Variants in SCMH1 observed in about 807,000 individuals in gnomAD.
The protein encoded by SCMH1 is polycomb protein SCMH1.
Under a neutral mutation model 70.8 loss-of-function variants are expected in SCMH1, and 37 were observed. The observed-to-expected ratio is 0.52, with a 90% CI of 0.40 to 0.69. SCMH1 has a LOEUF of 0.69. SCMH1 is among the 30% of genes least tolerant of loss of function. The pLI is 0.00. For missense variants in SCMH1, 607 were observed against 827.3 expected, an observed-to-expected ratio of 0.73 and a Z score of 3.27; for synonymous variants, 292 against 307.4, an observed-to-expected ratio of 0.95 and a Z score of 0.52.
intron 1 of SCMH1, among the ~76,000 whole-genome samples, chr1:41,207,414 TA>T (rs1270234614): frequency 6.6e-6 from 1 of 152,136 alleles, no homozygotes; most frequent in Non-Finnish European, 1.5e-5. Context: ...AAACAGATTT[TA>T]AACCAGCAAA....
intron 1 of SCMH1, among the ~76,000 whole-genome samples, chr1:41,230,085 C>T (rs911471835): frequency 1.3e-5 from 2 of 150,506 alleles, no homozygotes; most frequent in Non-Finnish European, 3.0e-5. Context: ...ATCATGTAGA[C>T]CACAAGGGAA....
chr1:41,196,614 G>C (rs931771768), intron 1 of SCMH1, among the ~76,000 whole-genome samples: 2 of 151,996 alleles, frequency 1.3e-5, no homozygotes, highest in African/African-American at 4.8e-5. Flanking sequence ...AAAACATAGG[G>C]GAAAATCTTT....
At chr1:41,075,223 C>G in exon 9 of SCMH1, 1 of 1,614,068 alleles carries the variant, frequency 6.2e-7, no homozygotes, top group Non-Finnish European at 8.5e-7. Flanking sequence ...ACCTACCTTG[C>G]TGCCAGGTTT....
chr1:41,141,595 C>T (rs1226417540), intron 6 of SCMH1, among the ~76,000 whole-genome samples: 1 of 152,048 alleles, frequency 6.6e-6, no homozygotes, highest in Non-Finnish European at 1.5e-5. Context: ...ATTTTAGGAA[C>T]TAGAGGACAC....
chr1:41,056,355 A>G (rs1288527029), intron 10 of SCMH1, among the ~76,000 whole-genome samples: 6 of 152,378 alleles, frequency 3.9e-5, no homozygotes, highest in African/African-American at 1.2e-4. Context: ...TCATTTTAAT[A>G]TAGAATATAT....
intron 1 of SCMH1, among the ~76,000 whole-genome samples, chr1:41,228,954 C>T (rs1405550963): frequency 6.6e-6 from 1 of 151,988 alleles, no homozygotes; most frequent in Non-Finnish European, 1.5e-5. Flanking sequence ...TTCATTCATT[C>T]GGAGGCCAAG....
At chr1:41,169,641 C>T (rs113895818) in intron 2 of SCMH1, among the ~76,000 whole-genome samples, 4,103 of 152,042 alleles carry the variant, frequency 0.027, 81 homozygotes, top group Non-Finnish European at 0.042. Flanking sequence ...TATTTGTCTA[C>T]CCCTTTAATT....
intron 2 of SCMH1, among the ~76,000 whole-genome samples, chr1:41,162,061 C>T (rs1161844361): frequency 6.6e-6 from 1 of 152,112 alleles, no homozygotes; most frequent in Non-Finnish European, 1.5e-5. Flanking sequence ...GCTGCAGCCA[C>T]CCAAACCGAG....
chr1:41,079,846 T>TA (rs1163256807), intron 8 of SCMH1, among the ~76,000 whole-genome samples: 1 of 152,178 alleles, frequency 6.6e-6, no homozygotes, highest in African/African-American at 2.4e-5. Flanking sequence ...TCTAATGCTC[T>TA]AAATTTTTTT....
At chr1:41,048,251 ACC>A (rs1647083608) in intron 11 of SCMH1, among the ~76,000 whole-genome samples, 1 of 152,044 alleles carries the variant, frequency 6.6e-6, no homozygotes, top group African/African-American at 2.4e-5. Context: ...TTTCCCAACC[ACC>A]CTGGGATTTA....
intron 4 of SCMH1, among the ~76,000 whole-genome samples, chr1:41,155,984 C>CAAAAAAAAAAAAAAAAAAAAA (rs386366781): frequency 2.7e-5 from 2 of 74,652 alleles, no homozygotes; most frequent in African/African-American, 1.2e-4. Flanking sequence ...GACTCCGTCT[C>CAAAAAAAAAAAAAAAAAAAAA]AAAAAAAAAA....
chr1:41,082,553 C>G (rs1488323555), intron 8 of SCMH1, among the ~76,000 whole-genome samples: 1 of 152,158 alleles, frequency 6.6e-6, no homozygotes, highest in East Asian at 1.9e-4. Flanking sequence ...CCTAAAAGAG[C>G]TCCTGAAGGA....
At chr1:41,210,444 C>A (rs1345518011) in intron 1 of SCMH1, among the ~76,000 whole-genome samples, 6 of 152,170 alleles carry the variant, frequency 3.9e-5, no homozygotes, top group Non-Finnish European at 8.8e-5. Flanking sequence ...CATCACACTA[C>A]CTGACTTCAA....
chr1:41,052,476 C>T (rs888926085), intron 10 of SCMH1, among the ~76,000 whole-genome samples: 12 of 152,218 alleles, frequency 7.9e-5, no homozygotes, highest in African/African-American at 2.9e-4. Flanking sequence ...CCATGGAACA[C>T]CTGTCTTCCA....
At chr1:41,200,897 T>C (rs1270370203) in intron 1 of SCMH1, among the ~76,000 whole-genome samples, 4 of 151,914 alleles carry the variant, frequency 2.6e-5, no homozygotes, top group Non-Finnish European at 5.9e-5. Flanking sequence ...CATATGGCTT[T>C]GCGGACAGAT....
chr1:41,074,031 G>T (rs1036419445), intron 9 of SCMH1, among the ~76,000 whole-genome samples: 12 of 151,410 alleles, frequency 7.9e-5, no homozygotes, highest in African/African-American at 2.4e-4. Flanking sequence ...AGGGGAGGAG[G>T]TGATGCTAAA....
chr1:41,077,179 T>C (rs1021559297), intron 8 of SCMH1, among the ~76,000 whole-genome samples: 12 of 152,162 alleles, frequency 7.9e-5, no homozygotes, highest in African/African-American at 2.4e-4. Flanking sequence ...TCATGAGGAT[T>C]AGATGAACTG....
intron 1 of SCMH1, among the ~76,000 whole-genome samples, chr1:41,193,719 T>A (rs1652308569): frequency 6.6e-6 from 1 of 152,184 alleles, no homozygotes; most frequent in Non-Finnish European, 1.5e-5. Context: ...CAGGGACAGA[T>A]GACAGAAACT....
At chr1:41,241,344 G>A (rs917027272) in intron 1 of SCMH1, among the ~76,000 whole-genome samples, 5 of 152,196 alleles carry the variant, frequency 3.3e-5, no homozygotes, top group African/African-American at 9.7e-5. Context: ...CACGTGTCTG[G>A]CCCCCAGGGC....
Sources: allele counts gnomAD v4.1 joint callset (sites outside exome capture counted in the v4.1 genomes callset), GRCh38; gene constraint gnomAD v4.1.1; transcripts MANE v1.5; gene names NCBI Gene and HGNC (gene_info 2026-07-23, HGNC 2026-07-21).